EPB41: variants seen among roughly 807,000 people sequenced by gnomAD.
EPB41 encodes erythrocyte membrane protein band 4.1.
EPB41 carries 65 observed loss-of-function variants against 108.0 expected under a neutral mutation model. The observed-to-expected ratio is 0.60, with a 90% CI of 0.49 to 0.74. The LOEUF (loss-of-function observed/expected upper bound fraction) is 0.74. Ranked by LOEUF, EPB41 falls within the 30% of genes least tolerant of loss-of-function variation. The pLI is 0.00. For synonymous variants in EPB41, 336 were observed against 358.9 expected (o/e 0.94, Z 0.72); for missense variants, 875 against 1,037.0 (o/e 0.84, Z 2.15).
chr1:29,030,667 T>A (rs1459993782), intron 8 of EPB41, among the ~76,000 whole-genome samples, 180 bp downstream of exon 8: 1 of 151,672 alleles, frequency 6.6e-6, no homozygotes, highest in Non-Finnish European at 1.5e-5. Context: ...TCCCAGCTAC[T>A]GGGGAGGCTG....
Position 29,088,045 on chromosome 1 carries a change from C to CTTTTTT in EPB41, c.2185-9760_2185-9755dup, listed in dbSNP as rs750809586. Among the ~76,000 whole-genome samples the CTTTTTT allele has an allele frequency of 2.3e-4, 30 of 131,558 alleles. 3 individuals are homozygous for CTTTTTT. The highest frequency in any genetic ancestry group is 3.0e-4 in the Admixed American group (4 of 13,152). The allele number at this position is 131,558 out of a possible 152,430, so 86.3% of individuals were successfully genotyped here. ...CATCTTTTTTCCTTTTTCTTTTTTT[C>CTTTTTT]TTTTTTTCTTTTTTTTTTGAGATGG... On this transcript the variant is annotated intron_variant, in intron 16 of 20. Transcript: ENST00000343067.
At chr1:28,989,733 G>C (rs2762686) in intron 2 of EPB41, among the ~76,000 whole-genome samples, 26,055 of 152,102 alleles carry the variant, frequency 0.17, 2,762 homozygotes, top group East Asian at 0.47. Context: ...GAAGAAAAGT[G>C]ACACTTTTCA....
intron 1 of EPB41, among the ~76,000 whole-genome samples, chr1:28,981,450 A>G (rs1571877420): frequency 6.6e-6 from 1 of 152,224 alleles, no homozygotes; most frequent in African/African-American, 2.4e-5. Flanking sequence ...GTGATGTAAG[A>G]CTTCAAAATA....
Position 29,026,310 on chromosome 1 carries a change from A to G in EPB41, c.1125-4090A>G, listed in dbSNP as rs1223149715. 2.6e-5 allele frequency among the ~76,000 whole-genome samples: 4 copies of G among 152,236 alleles called. No homozygotes were observed. The East Asian group carries it at 7.7e-4, about 29-fold the overall frequency. ...TTATGGAAAGGGAGAAACTAAAATG[A>G]ACCCTGTTAGGATATTGCGTTAAAA... On this transcript the variant is annotated intron_variant, in intron 7 of 20. Coordinates refer to ENST00000343067, the MANE Select transcript of EPB41 (RefSeq NM_001376013.1).
At position 29,097,851 on chromosome 1, in the gene EPB41, C is replaced by T. The variant is rs117306261; in HGVS notation, c.2229C>T (p.Ala743=). 207 of 1,613,932 alleles carry T rather than the reference C, an allele frequency of 1.3e-4. 2 individuals are homozygous for T. The East Asian group carries it at 4.0e-3, about 31-fold the overall frequency. ...AAACTGTCACCATCTCAGATAATGC[C>T]AATGCTGTGAAAAGTGAAATCCCAA... The part of the protein sequence containing the change: ...KTQTVTISDN[A]NAVKSEIPTK... Residue 743 remains alanine, a synonymous_variant, in exon 17 of 21, where the codon GCC becomes GCT. Transcript: ENST00000343067.
At chr1:28,983,954 T>C (rs2095815937) in intron 1 of EPB41, among the ~76,000 whole-genome samples, 1 of 148,926 alleles carries the variant, frequency 6.7e-6, no homozygotes. Flanking sequence ...CAGGAATGAA[T>C]TGAAGAATGG....
At chr1:29,053,033 G>A in intron 11 of EPB41, 71 bp from the exon 12 acceptor site, 3 of 1,517,670 alleles carry the variant, frequency 2.0e-6, no homozygotes, top group Admixed American at 1.8e-5. Flanking sequence ...CAATTATTTT[G>A]CCTGGTGACT....
intron 1 of EPB41, among the ~76,000 whole-genome samples, chr1:28,979,785 C>T (rs1174609754): frequency 6.6e-6 from 1 of 151,436 alleles, no homozygotes; most frequent in African/African-American, 2.4e-5. Context: ...AACTAATCTA[C>T]TAGTTTATGT....
At chr1:28,950,424 T>G (rs1198277573) in intron 1 of EPB41, among the ~76,000 whole-genome samples, 2 of 152,238 alleles carry the variant, frequency 1.3e-5, no homozygotes, top group African/African-American at 4.8e-5. Context: ...TCAGGCTTTA[T>G]ATATAGTATA....
At chr1:29,109,272 C>A in intron 17 of EPB41, 64 bp from the exon 18 acceptor site, 1 of 1,234,794 alleles carries the variant, frequency 8.1e-7, no homozygotes, top group Non-Finnish European at 1.2e-6. Context: ...AGCAAAGCTG[C>A]AGCCTGCAAC....
At chr1:28,994,883 C>T (rs1037364492) in intron 3 of EPB41, among the ~76,000 whole-genome samples, 1 of 147,084 alleles carries the variant, frequency 6.8e-6, no homozygotes, top group Non-Finnish European at 1.5e-5. Flanking sequence ...TACTCTTGAG[C>T]TCCCCGGCTC....
chr1:29,015,664 T>C, intron 5 of EPB41, 28 bp from the exon 6 acceptor site: 2 of 1,398,640 alleles, frequency 1.4e-6, no homozygotes, highest in Non-Finnish European at 2.0e-6. Flanking sequence ...GGTATAAACG[T>C]AAAATTCTTT....
At chr1:28,949,823 C>T (rs1204793620) in intron 1 of EPB41, among the ~76,000 whole-genome samples, 2 of 151,944 alleles carry the variant, frequency 1.3e-5, no homozygotes, top group African/African-American at 4.8e-5. Flanking sequence ...AGGGTGGTCT[C>T]GATCTCCTGA....
At chr1:29,049,824 T>G (rs1164418478) in intron 11 of EPB41, among the ~76,000 whole-genome samples, 1 of 152,208 alleles carries the variant, frequency 6.6e-6, no homozygotes, top group Non-Finnish European at 1.5e-5. Flanking sequence ...GATACTGGAT[T>G]TTTAAAGTTA....
chr1:28,967,555 A>T (rs2095390818), intron 1 of EPB41, among the ~76,000 whole-genome samples: 1 of 151,876 alleles, frequency 6.6e-6, no homozygotes, highest in Admixed American at 6.6e-5. Flanking sequence ...TATGAATTCG[A>T]CCTTCCTTTC....
chr1:29,038,762 G>C (rs778968445), intron 10 of EPB41, among the ~76,000 whole-genome samples: 2 of 152,144 alleles, frequency 1.3e-5, no homozygotes, highest in Non-Finnish European at 2.9e-5. Flanking sequence ...TCCCAACTGA[G>C]TTTAAAAATA....
At chr1:28,939,897 A>T (rs935582307) in intron 1 of EPB41, among the ~76,000 whole-genome samples, 15 of 152,358 alleles carry the variant, frequency 9.8e-5, no homozygotes, top group Admixed American at 5.9e-4. Flanking sequence ...AGGATTTTGG[A>T]CAGGGCTCTG....
At chr1:29,070,431 G>C (rs1191425229) in intron 16 of EPB41, 1 of 1,232,024 alleles carries the variant, frequency 8.1e-7, no homozygotes, top group Non-Finnish European at 1.0e-6. Flanking sequence ...TCTACTGAAA[G>C]AGCCTTGCCC....
intron 16 of EPB41, among the ~76,000 whole-genome samples, chr1:29,067,000 A>G (rs935437207): frequency 6.6e-5 from 10 of 151,056 alleles, no homozygotes; most frequent in South Asian, 4.2e-4. Context: ...TTAAATTTTC[A>G]GAATTTATGG....
Sources: allele counts gnomAD v4.1 joint callset (sites outside exome capture counted in the v4.1 genomes callset), GRCh38; gene constraint gnomAD v4.1.1; transcripts MANE v1.5; gene names NCBI Gene and HGNC (gene_info 2026-07-23, HGNC 2026-07-21).